LOC128125817: variants seen among roughly 807,000 people sequenced by gnomAD.
the LOC128125817 span, among the ~76,000 whole-genome samples, chr1:41,607,838 G>A: frequency 1.3e-5 from 2 of 152,194 alleles, no homozygotes; most frequent in African/African-American, 2.4e-5. Context: ...CTGATATGGT[G>A]GCTTCACCGT....
chr1:41,614,390 C>T, the LOC128125817 span, among the ~76,000 whole-genome samples: 2 of 152,190 alleles, frequency 1.3e-5, no homozygotes, highest in African/African-American at 4.8e-5. Context: ...TAGATGGTTC[C>T]ATTCTAGGGG....
At chr1:41,586,490 T>C in the LOC128125817 span, among the ~76,000 whole-genome samples, 13,848 of 152,318 alleles carry the variant, frequency 0.091, 689 homozygotes, top group Middle Eastern at 0.18. Flanking sequence ...CTGGCATCCC[T>C]TGGCGAGGCC....
At chr1:41,591,665 A>G in the LOC128125817 span, among the ~76,000 whole-genome samples, 13 of 151,988 alleles carry the variant, frequency 8.6e-5, no homozygotes, top group South Asian at 2.7e-3. Flanking sequence ...GCAGCCTCCA[A>G]TGTACTTCTT....
the LOC128125817 span, among the ~76,000 whole-genome samples, chr1:41,626,202 C>T: frequency 3.3e-5 from 5 of 151,672 alleles, no homozygotes; most frequent in East Asian, 3.9e-4. Context: ...AGCACCGGGG[C>T]GTTTGCAGCA....
the LOC128125817 span, among the ~76,000 whole-genome samples, chr1:41,622,918 A>G: frequency 2.0e-5 from 3 of 152,224 alleles, no homozygotes; most frequent in East Asian, 5.8e-4. Context: ...CTTTACACAT[A>G]TTCATTTAAT....
chr1:41,604,482 G>A, the LOC128125817 span, among the ~76,000 whole-genome samples: 2 of 152,212 alleles, frequency 1.3e-5, no homozygotes, highest in South Asian at 2.1e-4. Flanking sequence ...TATTGTCAAC[G>A]TGATAGTATT....
At chr1:41,610,027 A>T in the LOC128125817 span, among the ~76,000 whole-genome samples, 1 of 152,228 alleles carries the variant, frequency 6.6e-6, no homozygotes, top group African/African-American at 2.4e-5. Flanking sequence ...CCCAGAGGAC[A>T]GGGGAATGAT....
the LOC128125817 span, among the ~76,000 whole-genome samples, chr1:41,619,194 T>A: frequency 2.0e-5 from 3 of 152,138 alleles, no homozygotes; most frequent in Admixed American, 6.5e-5. Context: ...CAGGCTGATC[T>A]TGCCTCCGCC....
the LOC128125817 span, among the ~76,000 whole-genome samples, chr1:41,603,622 A>T: frequency 6.6e-6 from 1 of 152,176 alleles, no homozygotes; most frequent in Non-Finnish European, 1.5e-5. Flanking sequence ...GGCCTCCCAA[A>T]GTGCTGGGAT....
chr1:41,588,829 T>C, the LOC128125817 span, among the ~76,000 whole-genome samples: 1 of 151,998 alleles, frequency 6.6e-6, no homozygotes, highest in Non-Finnish European at 1.5e-5. Flanking sequence ...CACTGGGGCT[T>C]GGACTTCTGG....
chr1:41,618,188 G>A, the LOC128125817 span, among the ~76,000 whole-genome samples: 9 of 152,206 alleles, frequency 5.9e-5, no homozygotes, highest in Non-Finnish European at 1.2e-4. Context: ...TGTTTGTTCC[G>A]CTGCGGGATG....
At chr1:41,627,488 C>G in the LOC128125817 span, among the ~76,000 whole-genome samples, 1 of 152,152 alleles carries the variant, frequency 6.6e-6, no homozygotes, top group Admixed American at 6.5e-5. Flanking sequence ...TCCTTTACCT[C>G]CTCAGGAGAA....
the LOC128125817 span, among the ~76,000 whole-genome samples, chr1:41,628,139 A>G: frequency 6.6e-6 from 1 of 152,196 alleles, no homozygotes. Flanking sequence ...GGCTCATTTG[A>G]TCACTATTTC....
chr1:41,611,008 T>C, the LOC128125817 span, among the ~76,000 whole-genome samples: 1 of 152,016 alleles, frequency 6.6e-6, no homozygotes, highest in Non-Finnish European at 1.5e-5. Flanking sequence ...ACAGGCTTTC[T>C]TCCATTCAAC....
At chr1:41,620,039 T>C in the LOC128125817 span, among the ~76,000 whole-genome samples, 1 of 152,084 alleles carries the variant, frequency 6.6e-6, no homozygotes, top group East Asian at 1.9e-4. Flanking sequence ...TTCCTTTGAA[T>C]ATCTGTTGAA....
At chr1:41,603,092 A>T in the LOC128125817 span, among the ~76,000 whole-genome samples, 1 of 151,392 alleles carries the variant, frequency 6.6e-6, no homozygotes, top group Non-Finnish European at 1.5e-5. Flanking sequence ...TTTGAGACTG[A>T]GTCTCGCCCT....
chr1:41,621,259 A>G, the LOC128125817 span, among the ~76,000 whole-genome samples: 1 of 152,354 alleles, frequency 6.6e-6, no homozygotes, highest in East Asian at 1.9e-4. Flanking sequence ...TATGGGACAG[A>G]GCCCTGGAAT....
chr1:41,615,104 C>T, the LOC128125817 span, among the ~76,000 whole-genome samples: 3 of 152,148 alleles, frequency 2.0e-5, no homozygotes, highest in African/African-American at 2.4e-5. Flanking sequence ...ATAATGCCAT[C>T]GTATTGTATT....
the LOC128125817 span, among the ~76,000 whole-genome samples, chr1:41,596,247 G>A: frequency 6.6e-6 from 1 of 152,220 alleles, no homozygotes; most frequent in Non-Finnish European, 1.5e-5. Context: ...GCAGGTGGAA[G>A]GCACAACTGG....
Sources: gnomAD v4.1 joint callset for allele counts (sites outside exome capture counted in the v4.1 genomes callset) on GRCh38, gnomAD v4.1.1 for gene constraint, MANE v1.5 for transcripts.